The following BANP variants were observed in gnomAD, a reference collection of about 807,000 sequenced individuals.
BANP encodes BTG3 associated nuclear protein.
In BANP, 11 loss-of-function variants were observed where a neutral mutation model predicts 68.1. The observed-to-expected ratio is 0.16, with a 90% CI of 0.10 to 0.27. The LOEUF (loss-of-function observed/expected upper bound fraction) is 0.27. Ranked by LOEUF, BANP falls within the 10% of genes least tolerant of loss-of-function variation. The pLI, the probability that BANP is intolerant of heterozygous loss-of-function variation, is 1.00. For synonymous variants in BANP, 329 were observed against 303.2 expected, an observed-to-expected ratio of 1.09 and a Z score of -0.88; for missense variants, 504 against 722.7, an observed-to-expected ratio of 0.70 and a Z score of 3.47.
At chr16:87,983,507 A>G (rs2063699102) in intron 3 of BANP, among the ~76,000 whole-genome samples, 1 of 152,124 alleles carries the variant, frequency 6.6e-6, no homozygotes, top group South Asian at 2.1e-4. Flanking sequence ...ACTCAGCCGG[A>G]AAGGTCAGAC....
chr16:88,019,926 G>T (rs2075663841), intron 7 of BANP, among the ~76,000 whole-genome samples: 1 of 152,170 alleles, frequency 6.6e-6, no homozygotes, highest in African/African-American at 2.4e-5. Flanking sequence ...CTGAGAGGTG[G>T]GTCCAGGTCC....
intron 12 of BANP, among the ~76,000 whole-genome samples, chr16:88,066,834 C>T (rs902222308): frequency 6.6e-5 from 10 of 152,204 alleles, no homozygotes; most frequent in African/African-American, 2.4e-4. Flanking sequence ...CGGGCGCTCC[C>T]TCTCGTGCTC....
intron 11 of BANP, among the ~76,000 whole-genome samples, chr16:88,061,409 A>G (rs1162744027): frequency 6.6e-6 from 1 of 152,218 alleles, no homozygotes; most frequent in East Asian, 1.9e-4. Context: ...CTCCAGGAGA[A>G]GCAGGTTTCT....
At position 88,036,918 on chromosome 16, in the gene BANP, G is replaced by C. The variant is rs571957702; in HGVS notation, c.1273-1055G>C. ...TCAGCGAGGTCAGGTGCAGGAGTTG[G>C]GGGCCTGAGTGGCTGCGAGGTGCAG... On this transcript the variant is annotated intron_variant, in intron 10 of 13. Transcript: ENST00000682872. The surrounding 1 kb of genome is among the most constrained non-coding windows in gnomAD (Gnocchi z 4.2). Among the ~76,000 whole-genome samples, 138 of 152,276 alleles carry C rather than the reference G, an allele frequency of 9.1e-4. No individual in the cohort carries two copies. The highest frequency in any genetic ancestry group is 3.2e-3 in the African/African-American group (134 of 41,556).
intron 7 of BANP, among the ~76,000 whole-genome samples, chr16:88,025,000 T>C (rs547238289): frequency 6.6e-6 from 1 of 152,334 alleles, no homozygotes; most frequent in South Asian, 2.1e-4. Flanking sequence ...TATGGACTCA[T>C]TCATCCTTCA....
intron 11 of BANP, among the ~76,000 whole-genome samples, chr16:88,049,487 A>AC (rs1265931137): frequency 2.0e-5 from 3 of 152,180 alleles, no homozygotes; most frequent in African/African-American, 4.8e-5. Context: ...ACTTCGTGAC[A>AC]TTAGCATTCC....
At chr16:88,028,165 T>TA (rs149118853) in intron 8 of BANP, among the ~76,000 whole-genome samples, 2,077 of 152,372 alleles carry the variant, frequency 0.014, 45 homozygotes, top group African/African-American at 0.044. Context: ...TGTGACTTGA[T>TA]ACTGCCTTTC....
chr16:88,074,398 T>A (rs1477676520), intron 13 of BANP, among the ~76,000 whole-genome samples: 8 of 151,130 alleles, frequency 5.3e-5, no homozygotes, highest in African/African-American at 1.5e-4. Flanking sequence ...AAGTGGAGAG[T>A]GGGGCCTGTT....
intron 11 of BANP, among the ~76,000 whole-genome samples, chr16:88,044,046 G>A (rs1486515523): frequency 6.6e-6 from 1 of 152,202 alleles, no homozygotes; most frequent in Non-Finnish European, 1.5e-5. Flanking sequence ...CAGGGGGCTG[G>A]CAGGGGAACC....
chr16:88,015,225 C>G (rs1237854514), intron 6 of BANP, among the ~76,000 whole-genome samples: 1 of 148,940 alleles, frequency 6.7e-6, no homozygotes, highest in South Asian at 2.2e-4. Context: ...CTTGTGCCCT[C>G]TGCCTGTGCC....
chr16:88,005,668 C>G (rs1279478230), intron 5 of BANP, among the ~76,000 whole-genome samples: 1 of 152,180 alleles, frequency 6.6e-6, no homozygotes, highest in Non-Finnish European at 1.5e-5. Flanking sequence ...CGAGGGGGAG[C>G]CATCTCCAGC....
intron 11 of BANP, among the ~76,000 whole-genome samples, chr16:88,043,501 GA>G: frequency 6.6e-6 from 1 of 152,318 alleles, no homozygotes; most frequent in East Asian, 1.9e-4. Flanking sequence ...GTTGCTCAGT[GA>G]GTATTTGAAA....
At chr16:87,980,843 C>A (rs1207587855) in intron 2 of BANP, 193 bp from the exon 3 acceptor site, 2 of 562,060 alleles carry the variant, frequency 3.6e-6, no homozygotes, top group Admixed American at 6.1e-5. Flanking sequence ...AGTGTCTGGG[C>A]TTTTCTTGGG....
At chr16:88,043,528 C>G (rs2081295829) in intron 11 of BANP, among the ~76,000 whole-genome samples, 1 of 152,126 alleles carries the variant, frequency 6.6e-6, no homozygotes, top group Non-Finnish European at 1.5e-5. Context: ...CATTTGCTGC[C>G]CTGGGCATGA....
chr16:88,007,823 G>A (rs556247851), intron 6 of BANP, among the ~76,000 whole-genome samples: 12 of 151,794 alleles, frequency 7.9e-5, no homozygotes, highest in African/African-American at 1.7e-4. Context: ...GCAGAATGGA[G>A]GGAAGAGAGA....
intron 11 of BANP, among the ~76,000 whole-genome samples, chr16:88,043,278 G>C (rs2152792446): frequency 6.6e-6 from 1 of 152,342 alleles, no homozygotes; most frequent in African/African-American, 2.4e-5. Context: ...TCCTTCGGGT[G>C]AGCTGCGTAG....
At chr16:87,973,228 T>G (rs1211365045) in intron 1 of BANP, among the ~76,000 whole-genome samples, 7 of 151,434 alleles carry the variant, frequency 4.6e-5, no homozygotes, top group African/African-American at 1.7e-4. Context: ...TGAGGCTTTG[T>G]GTCTCCCCCT....
chr16:87,976,474 G>GTTTTTTTTTTTTTT (rs59786663), intron 2 of BANP, among the ~76,000 whole-genome samples: 5 of 95,956 alleles, frequency 5.2e-5, no homozygotes, highest in Non-Finnish European at 9.8e-5. Context: ...GTTTTAAAAA[G>GTTTTTTTTTTTTTT]TTTTTTTTTT....
At chr16:88,061,176 G>A (rs914495187) in intron 11 of BANP, among the ~76,000 whole-genome samples, 2 of 152,212 alleles carry the variant, frequency 1.3e-5, no homozygotes, top group Non-Finnish European at 2.9e-5. Flanking sequence ...GAGCACTGTG[G>A]AGACTGCTGT....
Sources: gnomAD v4.1 joint callset for allele counts (sites outside exome capture counted in the v4.1 genomes callset) on GRCh38, gnomAD v4.1.1 for gene constraint, Gnocchi (gnomAD v3.1) non-coding constraint, MANE v1.5 for transcripts, NCBI Gene and HGNC (gene_info 2026-07-23, HGNC 2026-07-21) for gene names.